The following TDP1 variants were observed in gnomAD, a reference collection of about 807,000 sequenced individuals.
TDP1 encodes tyrosyl-DNA phosphodiesterase 1, also known as tyr-DNA phosphodiesterase 1.
Under a neutral mutation model 81.5 loss-of-function variants are expected in TDP1, and 64 were observed. The ratio of observed to expected loss-of-function variants is 0.79; its 90% CI spans 0.64 to 0.97. The LOEUF (loss-of-function observed/expected upper bound fraction) is 0.97, where lower values mean the gene tolerates loss of function less well. TDP1 is among the 50% of genes least tolerant of loss of function. TDP1 has a pLI of 0.00. For synonymous variants in TDP1, 256 were observed against 264.3 expected (o/e 0.97, Z 0.30); for missense variants, 723 against 743.8 (o/e 0.97, Z 0.33).
chr14:90,034,216 A>G (rs977914797), intron 16 of TDP1, among the ~76,000 whole-genome samples: 7 of 152,260 alleles, frequency 4.6e-5, no homozygotes, highest in Non-Finnish European at 8.8e-5. Context: ...GGCTGTTGTG[A>G]TATCACATCG....
chr14:89,982,907 G>T (rs74909732), intron 8 of TDP1, among the ~76,000 whole-genome samples: 7,997 of 152,196 alleles, frequency 0.053, 347 homozygotes, highest in African/African-American at 0.11. Flanking sequence ...CTGTGGTTCT[G>T]CTAATCCCCT....
intron 16 of TDP1, chr14:90,033,675 C>T (rs1037218909): frequency 4.5e-5 from 9 of 199,604 alleles, no homozygotes; most frequent in East Asian, 1.2e-4. Context: ...CTACTGAATG[C>T]GTATCACTTT....
upstream of TDP1, chr14:89,955,576 C>T (rs1314162071): frequency 6.6e-6 from 1 of 152,278 alleles, no homozygotes; most frequent in East Asian, 1.9e-4. Context: ...CACAGGTCTC[C>T]TTGCAGCTGC....
intron 11 of TDP1, chr14:89,989,300 C>T: frequency 1.0e-6 from 1 of 985,032 alleles, no homozygotes; most frequent in Non-Finnish European, 1.2e-6. Flanking sequence ...GTGCTAAGAG[C>T]TTGCCGATTC....
intron 5 of TDP1, chr14:89,970,861 CAG>C (rs1893545361): frequency 3.1e-6 from 2 of 640,078 alleles, no homozygotes; most frequent in African/African-American, 4.1e-5. Flanking sequence ...ATTTTTGAGA[CAG>C]AGTCTTGCTC....
rs754702237 is a variant in TDP1 at position 89,967,406 on chromosome 14, T to C, written c.643T>C (p.Tyr215His). ...CFDVDWLVKQ[Y>H]PPEFRKKPIL... The stretch of plus-strand genomic sequence containing the variant: ...TGACGTGGACTGGCTCGTAAAACAG[T>C]ATCCACCAGAGTTCAGGTGAGTTCC... Residue 215 changes from tyrosine to histidine, a missense_variant, in exon 5 of 17, where the codon TAT becomes CAT. Physicochemically the swap from Tyr to His is moderately conservative, Grantham distance 83. Coordinates refer to ENST00000335725, the MANE Select transcript of TDP1 (RefSeq NM_018319.4). The C allele has an allele frequency of 5.6e-6, 9 of 1,614,076 alleles. No individual in the cohort carries two copies. In the Middle Eastern group the frequency reaches 5.0e-4, roughly 89 times the overall value.
intron 16 of TDP1, chr14:90,033,438 C>T (rs1887513048): frequency 1.7e-6 from 1 of 598,408 alleles, no homozygotes; most frequent in Admixed American, 2.5e-5. Flanking sequence ...TCCTGACTTA[C>T]ACTGGGGCTA....
chr14:90,013,791 G>C (rs1332121962), intron 14 of TDP1, among the ~76,000 whole-genome samples: 1 of 152,230 alleles, frequency 6.6e-6, no homozygotes, highest in East Asian at 1.9e-4. Flanking sequence ...TGTTCTCATG[G>C]TACTGAATAA....
chr14:89,989,681 A>G (rs754203958), intron 11 of TDP1, 36 bp from the exon 12 acceptor site: 1 of 1,523,350 alleles, frequency 6.6e-7, no homozygotes, highest in Admixed American at 1.7e-5. Flanking sequence ...TCAACATGGT[A>G]CATTCCGAGT....
Position 89,963,424 on chromosome 14 carries a change from C to T in TDP1, c.310C>T (p.Gln104Ter), listed in dbSNP as rs751202785. Residue 104 changes from glutamine (Q) to a stop codon, truncating the protein, a stop_gained, in exon 3 of 17, where the codon CAG becomes TAG. Transcript: ENST00000335725. LOFTEE classifies it high-confidence loss of function. Reference sequence around the variant, plus strand: ...GCTGCAACCAGAAATGCCGCAGAAGCAGGCTGAGAAAGTGGTGATCAAAAA... The same window carrying T: ...GCTGCAACCAGAAATGCCGCAGAAGTAGGCTGAGAAAGTGGTGATCAAAAA... ...DELQPEMPQKQAEKVVIKKEK... is the reference protein window; with the variant it reads ...DELQPEMPQK The T allele has an allele frequency of 6.2e-7, 1 of 1,614,130 alleles. No individual in the cohort carries two copies. Among genetic ancestry groups the T allele is most frequent in the Non-Finnish European group, 8.5e-7 (1 of 1,179,988 alleles).
intron 14 of TDP1, 26 bp from the exon 15 acceptor site, chr14:90,019,290 C>T (rs201767245): frequency 5.3e-6 from 8 of 1,495,834 alleles, no homozygotes; most frequent in Non-Finnish European, 7.5e-6. Flanking sequence ...CCTGAGTCAG[C>T]CCTATCTGTG....
chr14:90,038,847 A>G (rs1019278208), intron 16 of TDP1, among the ~76,000 whole-genome samples: 9 of 152,050 alleles, frequency 5.9e-5, no homozygotes, highest in African/African-American at 2.2e-4. Flanking sequence ...CAAAAAAAAA[A>G]ATTGTTGATA....
chr14:90,039,735 C>T (rs1888176424), intron 16 of TDP1, among the ~76,000 whole-genome samples: 1 of 151,990 alleles, frequency 6.6e-6, no homozygotes, highest in African/African-American at 2.4e-5. Flanking sequence ...TCCTTATCCT[C>T]TGTGAGTTGA....
intron 8 of TDP1, among the ~76,000 whole-genome samples, chr14:89,983,765 A>G (rs34088863): frequency 0.056 from 8,568 of 152,194 alleles, 518 homozygotes; most frequent in African/African-American, 0.15. Flanking sequence ...ATTAGATATG[A>G]TTGTTTTCTA....
intron 15 of TDP1, among the ~76,000 whole-genome samples, chr14:90,029,895 T>A (rs1371604913): frequency 6.6e-6 from 1 of 152,212 alleles, no homozygotes; most frequent in East Asian, 1.9e-4. Flanking sequence ...CACAGAGAAT[T>A]GTCCTGAAAA....
chr14:89,962,462 C>T (rs372459441), intron 2 of TDP1, among the ~76,000 whole-genome samples: 4 of 152,128 alleles, frequency 2.6e-5, no homozygotes, highest in South Asian at 2.1e-4. Flanking sequence ...TAATCCCAAA[C>T]GCTTATTGGA....
chr14:90,003,463 A>G (rs1897358835), intron 14 of TDP1, among the ~76,000 whole-genome samples: 1 of 152,230 alleles, frequency 6.6e-6, no homozygotes, highest in African/African-American at 2.4e-5. Context: ...CCGTAAAATC[A>G]TCCCATGTTT....
In TDP1 at chr14:90,043,318, C is replaced by T; in HGVS notation, c.*175C>T. The stretch of plus-strand genomic sequence containing the variant: ...TATACTTTTAATGGACATTAACATT[C>T]CTAATAAAGTATTAGTTTCTTAATT... On this transcript the variant is annotated 3_prime_UTR_variant, in exon 17 of 17. Transcript: ENST00000335725. 1.4e-6 allele frequency: 1 copy of T among 708,818 alleles called. No homozygotes were observed. The allele number at this position is 708,818 out of a possible 1,614,324, so 43.9% of individuals were successfully genotyped here. A position where few individuals can be genotyped will look rare whatever the true frequency, so the allele number is the denominator to read the frequency against.
intron 16 of TDP1, among the ~76,000 whole-genome samples, chr14:90,040,062 A>G (rs1465752210): frequency 6.6e-6 from 1 of 152,218 alleles, no homozygotes; most frequent in African/African-American, 2.4e-5. Flanking sequence ...GAGATGGGAC[A>G]GAGACTCTGT....
Sources: allele counts gnomAD v4.1 joint callset (sites outside exome capture counted in the v4.1 genomes callset), GRCh38; gene constraint gnomAD v4.1.1; transcripts MANE v1.5; gene names NCBI Gene and HGNC (gene_info 2026-07-23, HGNC 2026-07-21).